Variants in RXRA observed in about 807,000 individuals in gnomAD.
RXRA encodes the protein retinoid X receptor alpha.
RXRA carries 5 observed loss-of-function variants against 44.5 expected under a neutral mutation model. The ratio of observed to expected loss-of-function variants is 0.11; its 90% CI spans 0.06 to 0.24. The LOEUF (loss-of-function observed/expected upper bound fraction) is 0.24, where lower values mean the gene tolerates loss of function less well. RXRA is among the 10% of genes least tolerant of loss of function. The pLI is 1.00. For synonymous variants in RXRA, 291 were observed against 271.4 expected, an observed-to-expected ratio of 1.07 and a Z score of -0.71; for missense variants, 412 against 646.5, an observed-to-expected ratio of 0.64 and a Z score of 3.93.
At chr9:134,337,302 G>A (rs1415350004) in intron 1 of RXRA, among the ~76,000 whole-genome samples, 1 of 152,180 alleles carries the variant, frequency 6.6e-6, no homozygotes, top group Non-Finnish European at 1.5e-5. Context: ...CCTGCTGTCT[G>A]TCCGTCCGCT....
At chr9:134,401,945 G>T (rs2119142631) in intron 2 of RXRA, 63 bp downstream of exon 2, 1 of 1,335,566 alleles carries the variant, frequency 7.5e-7, no homozygotes, top group East Asian at 2.5e-5. Context: ...GGCTTCAACT[G>T]CAGGACGACC....
At chr9:134,353,459 T>C (rs1554749717) in intron 1 of RXRA, among the ~76,000 whole-genome samples, 1 of 152,188 alleles carries the variant, frequency 6.6e-6, no homozygotes, top group African/African-American at 2.4e-5. Context: ...ATTAAGCTGG[T>C]GTCCCGTCAT....
intron 6 of RXRA, among the ~76,000 whole-genome samples, chr9:134,428,656 G>A (rs189928473): frequency 2.7e-4 from 41 of 152,142 alleles, no homozygotes; most frequent in African/African-American, 8.7e-4. Flanking sequence ...CGGCTCTCAC[G>A]CACCTGCCTT....
intron 1 of RXRA, among the ~76,000 whole-genome samples, chr9:134,388,003 G>A (rs1046622096): frequency 6.6e-6 from 1 of 152,128 alleles, no homozygotes; most frequent in Non-Finnish European, 1.5e-5. Flanking sequence ...TTCCTGGAGG[G>A]CAGGAAGCGC....
rs2119217627 is a variant in RXRA, at chr9:134,436,455, T to C, written c.1242-12T>C. 1.2e-6 allele frequency: 2 copies of C among 1,613,592 alleles called. No homozygotes were observed. The highest frequency in any genetic ancestry group is 1.1e-5 in the South Asian group (1 of 91,074). ...CCCCTTGCCCGGCCCTCACCAGACC[T>C]GTTCCCTGCAGGTTCGCTAAGCTCT... On this transcript the variant is annotated splice_polypyrimidine_tract_variant and intron_variant, in intron 9 of 9. Coordinates refer to ENST00000481739, the MANE Select transcript of RXRA (RefSeq NM_002957.6).
chr9:134,371,348 G>A (rs1379399880), intron 1 of RXRA, among the ~76,000 whole-genome samples: 5 of 152,322 alleles, frequency 3.3e-5, no homozygotes, highest in Middle Eastern at 6.8e-3. Context: ...TTGGGCAGCC[G>A]CCACTGTCTC....
intron 1 of RXRA, among the ~76,000 whole-genome samples, chr9:134,378,366 C>CCAGCGCCTGTGT (rs71381808): frequency 6.6e-6 from 1 of 152,236 alleles, no homozygotes; most frequent in Non-Finnish European, 1.5e-5. Context: ...CGCCTGTGTG[C>CCAGCGCCTGTGT]GGGGTCCTTA....
chr9:134,326,625 C>G lies in RXRA; in HGVS notation c.-7C>G. On this transcript the variant is annotated 5_prime_UTR_variant, in exon 1 of 10. Transcript: ENST00000481739. ...CGCCGCCGGCCGGGCATGAGTTAGT[C>G]GCAGACATGGACACCAAACATTTCC... The G allele has an allele frequency of 1.0e-6, 1 of 967,038 alleles. No individual in the cohort carries two copies. Among genetic ancestry groups the G allele is most frequent in the African/African-American group, 1.8e-5 (1 of 55,032 alleles). 59.9% of individuals were successfully genotyped at this position (967,038 alleles called of 1,614,324 possible). A position where few individuals can be genotyped will look rare whatever the true frequency, so the allele number is the denominator to read the frequency against.
At chr9:134,423,112 C>T (rs1471516808) in intron 6 of RXRA, 1 of 985,362 alleles carries the variant, frequency 1.0e-6, no homozygotes, top group Admixed American at 6.1e-5. Flanking sequence ...AGCTGGTCCC[C>T]CACCTGGAAA....
In RXRA at chr9:134,429,190, C is replaced by T. The variant is rs142494635; in HGVS notation, c.993C>T (p.His331=). 88 of 1,613,004 alleles carry T rather than the reference C, an allele frequency of 5.5e-5. No individual in the cohort carries two copies. The East Asian group carries it at 8.0e-4, about 15-fold the overall frequency. ...KDGILLATGL[H]VHRNSAHSAG... ...GGATCCTCCTGGCCACCGGGCTGCA[C>T]GTCCACCGGAACAGCGCCCACAGCG... The change falls in exon 7 of 10, where the codon CAC becomes CAT. Residue 331 remains histidine, a synonymous_variant. Coordinates refer to ENST00000481739, the MANE Select transcript of RXRA (RefSeq NM_002957.6).
intron 1 of RXRA, chr9:134,379,764 G>C: frequency 1.0e-6 from 1 of 985,358 alleles, no homozygotes; most frequent in Non-Finnish European, 1.2e-6. Context: ...CCTGTGGTCT[G>C]TAGGGACCTG....
In RXRA at chr9:134,346,842, G is replaced by A. The variant is rs559068448; in HGVS notation, c.28+20183G>A. On this transcript the variant is annotated intron_variant, in intron 1 of 9. Transcript: ENST00000481739. ...GGCTTGAGGAGCCCTTGTCGGGACAGTGTGGGTTGGAAGAGTCACAGGTGG... is the reference window on the plus strand; with the variant it reads ...GGCTTGAGGAGCCCTTGTCGGGACAATGTGGGTTGGAAGAGTCACAGGTGG... Among the ~76,000 whole-genome samples, 22 of 152,296 alleles carry A rather than the reference G, an allele frequency of 1.4e-4. No homozygotes were observed. The South Asian group carries it at 4.3e-3, about 30-fold the overall frequency.
chr9:134,400,429 G>A (rs1173930055), intron 1 of RXRA, among the ~76,000 whole-genome samples: 2 of 152,250 alleles, frequency 1.3e-5, no homozygotes, highest in African/African-American at 2.4e-5. Context: ...CACAGGTCAA[G>A]GCACGGAGGG....
chr9:134,425,154 C>T (rs929681706), intron 6 of RXRA: 8 of 985,278 alleles, frequency 8.1e-6, no homozygotes, highest in African/African-American at 1.7e-5. Flanking sequence ...GTGCAGTGGC[C>T]ACAGCCCTGC....
At chr9:134,420,918 GTGCCT>G (rs1831319386) in intron 5 of RXRA, among the ~76,000 whole-genome samples, 1 of 152,184 alleles carries the variant, frequency 6.6e-6, no homozygotes, top group Non-Finnish European at 1.5e-5. Context: ...TGCTCTCTCT[GTGCCT>G]GGGGCCTGGT....
chr9:134,426,463 G>A lies in RXRA; in HGVS notation c.911-2645G>A, dbSNP rs1163542038. 44 of 985,350 alleles carry A rather than the reference G, an allele frequency of 4.5e-5. No individual in the cohort carries two copies. The highest frequency in any genetic ancestry group is 5.2e-5 in the Non-Finnish European group (43 of 829,940). 61.0% of individuals were successfully genotyped at this position (985,350 alleles called of 1,614,324 possible). On this transcript the variant is annotated intron_variant, in intron 6 of 9. Transcript: ENST00000481739. The surrounding 1 kb of genome is among the most constrained non-coding windows in gnomAD (Gnocchi z 4.6). Reference sequence around the variant, plus strand: ...CCGAGTGAGGACATCGGGGTGGAGGGACAGGGGACAGGGGAGCTGAGATGC... The same window carrying A: ...CCGAGTGAGGACATCGGGGTGGAGGAACAGGGGACAGGGGAGCTGAGATGC...
intron 1 of RXRA, among the ~76,000 whole-genome samples, chr9:134,382,536 G>T (rs984649583): frequency 2.6e-5 from 4 of 152,204 alleles, no homozygotes; most frequent in African/African-American, 9.7e-5. Context: ...TGGACCAGAG[G>T]CTGGGGACTG....
chr9:134,439,260 C>A lies in RXRA; in HGVS notation c.*2646C>A, dbSNP rs14317. On this transcript the variant is annotated 3_prime_UTR_variant, in exon 10 of 10. Transcript: ENST00000481739. Reference sequence around the variant, plus strand: ...GGATGAAGCGGCTTCCCCGCAGGGCCCCCACTTCCCAGTGGCTGCTTCCTG... The same window carrying A: ...GGATGAAGCGGCTTCCCCGCAGGGCACCCACTTCCCAGTGGCTGCTTCCTG... 24,002 of 151,870 alleles carry A rather than the reference C, an allele frequency of 0.16. 5,432 individuals carry two copies. Among genetic ancestry groups the A allele is most frequent in the African/African-American group, 0.51 (20,836 of 41,142 alleles). 9.4% of individuals were successfully genotyped at this position (151,870 alleles called of 1,614,324 possible). A position where few individuals can be genotyped will look rare whatever the true frequency, so the allele number is the denominator to read the frequency against.
chr9:134,346,800 C>T (rs540616084), intron 1 of RXRA, among the ~76,000 whole-genome samples: 14 of 152,328 alleles, frequency 9.2e-5, no homozygotes, highest in African/African-American at 3.4e-4. Context: ...GAGGGAGGGT[C>T]CTCCTGGAGG....
Sources: allele counts gnomAD v4.1 joint callset (sites outside exome capture counted in the v4.1 genomes callset), GRCh38; gene constraint gnomAD v4.1.1; non-coding constraint Gnocchi (gnomAD v3.1); transcripts MANE v1.5; gene names NCBI Gene and HGNC (gene_info 2026-07-23, HGNC 2026-07-21).